GLRA2: variants seen among roughly 807,000 people sequenced by gnomAD.
GLRA2 encodes the protein glycine receptor alpha 2, also known as glycine receptor subunit alpha-2.
In GLRA2, 11 loss-of-function variants were observed where a neutral mutation model predicts 31.6. The observed-to-expected ratio is 0.35, with a 90% CI of 0.22 to 0.58. The LOEUF (loss-of-function observed/expected upper bound fraction) is 0.58. Among genes scored for constraint, GLRA2 ranks in the 20% least tolerant of loss-of-function variants. The pLI, the probability that GLRA2 is intolerant of heterozygous loss-of-function variation, is 0.84. For synonymous variants in GLRA2, 132 were observed against 134.0 expected (o/e 0.99, Z 0.10); for missense variants, 212 against 351.8 (o/e 0.60, Z 3.18).
intron 5 of GLRA2, 101 bp downstream of exon 5, chrX:14,604,498 T>C: frequency 2.0e-6 from 1 of 494,614 alleles, no homozygotes; most frequent in South Asian, 3.0e-5. Context: ...ACTCATTCCC[T>C]ATATACTGAC....
chrX:14,654,636 A>G (rs1334597134), intron 7 of GLRA2, among the ~76,000 whole-genome samples: 1 of 111,900 alleles, frequency 8.9e-6, no homozygotes, highest in Non-Finnish European at 1.9e-5. Flanking sequence ...CCTCTAGTGA[A>G]CTTATATTTA....
chrX:14,647,898 T>C (rs1307186627), intron 7 of GLRA2, among the ~76,000 whole-genome samples: 1 of 112,185 alleles, frequency 8.9e-6, no homozygotes, highest in Non-Finnish European at 1.9e-5. Context: ...GCAATGGATA[T>C]GTAAAAGGAA....
chrX:14,463,480 G>A, the GLRA2 span, among the ~76,000 whole-genome samples: 2 of 111,860 alleles, frequency 1.8e-5, no homozygotes, highest in Non-Finnish European at 3.8e-5. Flanking sequence ...GAGGCAGTAG[G>A]CCTTGCTGAG....
the GLRA2 span, among the ~76,000 whole-genome samples, chrX:14,462,748 C>T: frequency 9.0e-6 from 1 of 111,666 alleles, no homozygotes; most frequent in Non-Finnish European, 1.9e-5. Context: ...ATTCATTTAA[C>T]CTTTTTTCAA....
intron 7 of GLRA2, among the ~76,000 whole-genome samples, chrX:14,627,146 C>T (rs757140853): frequency 5.4e-5 from 6 of 111,225 alleles, no homozygotes; most frequent in Non-Finnish European, 1.1e-4. Flanking sequence ...AAGTTAAAAA[C>T]GGATTGCAAC....
intron 4 of GLRA2, among the ~76,000 whole-genome samples, chrX:14,594,037 C>T (rs896052775): frequency 2.7e-5 from 3 of 112,170 alleles, no homozygotes. Flanking sequence ...ATGGACCATC[C>T]TATCAACTGA....
upstream of GLRA2, among the ~76,000 whole-genome samples, chrX:14,524,468 C>T (rs923009405): frequency 6.3e-5 from 7 of 111,892 alleles, no homozygotes; most frequent in East Asian, 1.1e-3. Flanking sequence ...TCTCTAACAA[C>T]GAAAGATTTG....
At chrX:14,552,331 G>A (rs748975504) in intron 2 of GLRA2, among the ~76,000 whole-genome samples, 16 of 112,560 alleles carry the variant, frequency 1.4e-4, no homozygotes, top group South Asian at 1.1e-3. Context: ...TGGAGTATGG[G>A]TGGGGTATGC....
At chrX:14,695,688 A>C (rs2091435008) in intron 8 of GLRA2, among the ~76,000 whole-genome samples, 1 of 112,159 alleles carries the variant, frequency 8.9e-6, no homozygotes, top group Admixed American at 9.4e-5. Flanking sequence ...AAATGGGAGA[A>C]TGACTATGGT....
In GLRA2 at chrX:14,607,252, A is replaced by G. The variant is rs779386789; in HGVS notation, c.699A>G (p.Thr233=). ...AAGAGAAGGAACTTGGCTACTGTAC[A>G]AAGCACTACAACACTGGTAAGTTTC... ...LKEEKELGYC[T]KHYNTGKFTC... Residue 233 remains threonine (T), a synonymous_variant, in exon 6 of 9, where the codon ACA becomes ACG. Transcript: ENST00000218075. The G allele has an allele frequency of 8.4e-7, 1 of 1,184,834 alleles. No individual in the cohort carries two copies. The highest frequency in any genetic ancestry group is 2.4e-5 in the Admixed American group (1 of 42,036).
chrX:14,612,398 T>C (rs909470519), intron 7 of GLRA2, among the ~76,000 whole-genome samples: 1 of 111,751 alleles, frequency 8.9e-6, no homozygotes, highest in Admixed American at 9.5e-5. Flanking sequence ...AGTTCAACCA[T>C]TGTGGAAGAC....
At chrX:14,501,793 C>T in the GLRA2 span, among the ~76,000 whole-genome samples, 1 of 111,650 alleles carries the variant, frequency 9.0e-6, no homozygotes, top group Non-Finnish European at 1.9e-5. Context: ...TAGCAAAGTA[C>T]CACAGTCTAG....
At chrX:14,526,252 T>G (rs1008461173), upstream of GLRA2, among the ~76,000 whole-genome samples, 1 of 112,626 alleles carries the variant, frequency 8.9e-6, no homozygotes, top group Non-Finnish European at 1.9e-5. Flanking sequence ...ATGAGATGAT[T>G]AGTGGATGAG....
At chrX:14,652,662 A>G (rs780846786) in intron 7 of GLRA2, among the ~76,000 whole-genome samples, 3 of 111,183 alleles carry the variant, frequency 2.7e-5, no homozygotes, top group Non-Finnish European at 5.7e-5. Flanking sequence ...CCATGCCCAT[A>G]TAAGATGGTA....
chrX:14,612,835 G>A (rs1465760246), intron 7 of GLRA2, among the ~76,000 whole-genome samples: 2 of 95,594 alleles, frequency 2.1e-5, no homozygotes, highest in Non-Finnish European at 4.2e-5. Flanking sequence ...AGGGTGGGGG[G>A]GCTAGGGGAG....
chrX:14,558,658 A>C (rs1428628889), intron 2 of GLRA2, among the ~76,000 whole-genome samples: 3 of 111,531 alleles, frequency 2.7e-5, no homozygotes, highest in Non-Finnish European at 5.6e-5. Flanking sequence ...GGCATTCTCA[A>C]AGCCCTTTGA....
In GLRA2 at chrX:14,574,376, T is replaced by C. The variant is rs2089924897; in HGVS notation, c.246T>C (p.Phe82=). 1 of 1,198,217 alleles carries C rather than the reference T, an allele frequency of 8.3e-7. No individual in the cohort carries two copies. The highest frequency in any genetic ancestry group is 1.7e-5 in the African/African-American group (1 of 57,197). The part of the protein sequence containing the change: ...NVTCNIFINS[F]GSVTETTMDY... ...CTTGCAATATTTTTATCAACAGTTT[T>C]GGATCAGTCACAGAAACGACCATGG... is the stretch of plus-strand genomic sequence containing the variant. Residue 82 remains phenylalanine (F), a synonymous_variant, in exon 3 of 9, where the codon TTT becomes TTC. Transcript: ENST00000218075.
intron 7 of GLRA2, among the ~76,000 whole-genome samples, chrX:14,637,922 C>CT (rs770748002): frequency 9.0e-6 from 1 of 111,372 alleles, no homozygotes; most frequent in Non-Finnish European, 1.9e-5. Context: ...CAAACATGCT[C>CT]TTTTTTTAAA....
intron 4 of GLRA2, among the ~76,000 whole-genome samples, chrX:14,582,080 T>A (rs753323260): frequency 1.8e-5 from 2 of 109,527 alleles, no homozygotes; most frequent in African/African-American, 3.3e-5. Flanking sequence ...CATATTTTTT[T>A]ATTATACTTT....
Sources: allele counts gnomAD v4.1 joint callset (sites outside exome capture counted in the v4.1 genomes callset), GRCh38; gene constraint gnomAD v4.1.1; transcripts MANE v1.5; gene names NCBI Gene and HGNC (gene_info 2026-07-23, HGNC 2026-07-21).